Variants in FAM222B observed in about 807,000 individuals in gnomAD.
The protein encoded by FAM222B is protein FAM222B.
FAM222B carries 12 observed loss-of-function variants against 38.0 expected under a neutral mutation model. The observed-to-expected ratio is 0.32, with a 90% CI of 0.20 to 0.51. The LOEUF is 0.51. Ranked by LOEUF, FAM222B falls within the 20% of genes least tolerant of loss-of-function variation. The pLI, the probability that FAM222B is intolerant of heterozygous loss-of-function variation, is 0.97. For missense variants in FAM222B, 716 were observed against 754.2 expected, an observed-to-expected ratio of 0.95 and a Z score of 0.59; for synonymous variants, 329 against 317.2, an observed-to-expected ratio of 1.04 and a Z score of -0.40.
intron 1 of FAM222B, among the ~76,000 whole-genome samples, chr17:28,798,748 T>C (rs570658066): frequency 6.8e-6 from 1 of 146,318 alleles, no homozygotes; most frequent in East Asian, 2.1e-4. Flanking sequence ...TATTCTCCTG[T>C]CTCAGCCTCC....
At chr17:28,782,458 G>A (rs891742523) in intron 1 of FAM222B, among the ~76,000 whole-genome samples, 1 of 152,132 alleles carries the variant, frequency 6.6e-6, no homozygotes, top group East Asian at 1.9e-4. Context: ...ATGGATTATG[G>A]AATCTAAATA....
At chr17:28,842,227 C>CT (rs1567911090) in intron 1 of FAM222B, among the ~76,000 whole-genome samples, 3 of 152,098 alleles carry the variant, frequency 2.0e-5, no homozygotes, top group Non-Finnish European at 4.4e-5. Flanking sequence ...GCTCTTTTCC[C>CT]TAGACCCCTC....
intron 1 of FAM222B, among the ~76,000 whole-genome samples, chr17:28,809,376 G>A (rs2037638924): frequency 6.6e-6 from 1 of 151,176 alleles, no homozygotes; most frequent in Non-Finnish European, 1.5e-5. Context: ...AAAAGAGAGA[G>A]AGAGAGAAAT....
At position 28,833,009 on chromosome 17, in the gene FAM222B, TAAAAA is replaced by T. The variant is rs779596504; in HGVS notation, c.-41+9668_-41+9672del. On this transcript the variant is annotated intron_variant, in intron 1 of 2. Transcript: ENST00000581407. The stretch of plus-strand genomic sequence containing the variant: ...AACACAGTTAAGACTCTGTCTCTAT[TAAAAA>T]AAAAAAAAAAAAAAAAAAAGGAAAG... Among the ~76,000 whole-genome samples, 40 of 90,778 alleles carry T rather than the reference TAAAAA, an allele frequency of 4.4e-4. No homozygotes were observed. The South Asian group carries it at 4.9e-3, about 11-fold the overall frequency. 59.6% of individuals were successfully genotyped at this position (90,778 alleles called of 152,430 possible).
At chr17:28,793,579 T>C (rs2151879277) in intron 1 of FAM222B, among the ~76,000 whole-genome samples, 1 of 152,194 alleles carries the variant, frequency 6.6e-6, no homozygotes, top group South Asian at 2.1e-4. Flanking sequence ...TACTCCCCCT[T>C]TCCTCTTCTT....
intron 1 of FAM222B, among the ~76,000 whole-genome samples, chr17:28,771,220 C>T (rs572148979): frequency 1.6e-4 from 24 of 152,006 alleles, no homozygotes; most frequent in East Asian, 5.8e-4. Flanking sequence ...CCTCAATCAT[C>T]GGATCTGGAA....
At chr17:28,788,581 G>T (rs1256142786) in intron 1 of FAM222B, among the ~76,000 whole-genome samples, 1 of 151,936 alleles carries the variant, frequency 6.6e-6, no homozygotes, top group Non-Finnish European at 1.5e-5. Flanking sequence ...CTTCTAACCT[G>T]TCAAATATGC....
intron 1 of FAM222B, among the ~76,000 whole-genome samples, chr17:28,838,034 G>A (rs879490453): frequency 6.6e-6 from 1 of 152,110 alleles, no homozygotes; most frequent in Admixed American, 6.5e-5. Flanking sequence ...GGGAGGTAGA[G>A]GCGGGTGGAA....
intron 1 of FAM222B, among the ~76,000 whole-genome samples, chr17:28,829,047 A>G (rs1292394601): frequency 6.6e-6 from 1 of 151,734 alleles, no homozygotes; most frequent in Non-Finnish European, 1.5e-5. Flanking sequence ...CTGGGACTAC[A>G]GGTGCGCGCC....
chr17:28,768,682 C>A (rs2035457647), intron 1 of FAM222B, among the ~76,000 whole-genome samples: 1 of 151,640 alleles, frequency 6.6e-6, no homozygotes. Context: ...ACTAAAAATA[C>A]AAAATTAGCT....
intron 1 of FAM222B, among the ~76,000 whole-genome samples, chr17:28,786,939 C>G (rs927317457): frequency 2.5e-5 from 3 of 119,318 alleles, no homozygotes; most frequent in Non-Finnish European, 3.2e-5. Context: ...GAGTCTCGCT[C>G]TGTCGCCCAG....
intron 1 of FAM222B, among the ~76,000 whole-genome samples, chr17:28,823,200 A>AT (rs2038325186): frequency 6.6e-6 from 1 of 151,898 alleles, no homozygotes; most frequent in Non-Finnish European, 1.5e-5. Context: ...TCTTCATCTT[A>AT]TTTTTCCCCC....
Position 28,778,717 on chromosome 17 carries a change from A to T in FAM222B, c.-40-12010T>A, listed in dbSNP as rs558103095. Among the ~76,000 whole-genome samples the T allele has an allele frequency of 7.8e-3, 455 of 58,268 alleles. 6 individuals carry two copies. Among genetic ancestry groups the T allele is most frequent in the Middle Eastern group, 0.014 (1 of 72 alleles). The allele number at this position is 58,268 out of a possible 152,430, so 38.2% of individuals were successfully genotyped here. A position where few individuals can be genotyped will look rare whatever the true frequency, so the allele number is the denominator to read the frequency against. ...TGTGTGTATATATATATATATATAT[A>T]TATTTTTTTTTTTTTTTTTTTTTTT... On this transcript the variant is annotated intron_variant, in intron 1 of 2. Transcript: ENST00000581407.
rs538955304 is a variant in FAM222B, at chr17:28,816,768, TA to T, written c.-41+25913del. Among the ~76,000 whole-genome samples, 33 of 152,306 alleles carry T rather than the reference TA, an allele frequency of 2.2e-4. No individual in the cohort carries two copies. In the South Asian group the frequency reaches 6.4e-3, roughly 30 times the overall value. ...ATGACACAGAGCATAGAAACTTTGA[TA>T]AAACCTTTATTGTTCATTAGACTTC... is the stretch of plus-strand genomic sequence containing the variant. On this transcript the variant is annotated intron_variant, in intron 1 of 2. Transcript: ENST00000581407.
intron 1 of FAM222B, among the ~76,000 whole-genome samples, chr17:28,776,424 C>T (rs2035900896): frequency 1.3e-5 from 2 of 148,850 alleles, no homozygotes; most frequent in Admixed American, 6.7e-5. Context: ...TTCTTCTCAT[C>T]CATGAGCCAA....
At chr17:28,816,260 G>A (rs1053771206) in intron 1 of FAM222B, among the ~76,000 whole-genome samples, 1 of 152,070 alleles carries the variant, frequency 6.6e-6, no homozygotes, top group African/African-American at 2.4e-5. Context: ...CTGGGCGAGT[G>A]GGACTCCGTC....
chr17:28,849,407 C>G (rs947911850), intron 1 of FAM222B: 5 of 152,378 alleles, frequency 3.3e-5, no homozygotes, highest in African/African-American at 1.2e-4. Context: ...TCTTCTACCC[C>G]AATTCCTTCC....
intron 1 of FAM222B, among the ~76,000 whole-genome samples, chr17:28,804,520 G>A (rs1036682884): frequency 3.3e-5 from 5 of 152,024 alleles, no homozygotes; most frequent in African/African-American, 1.2e-4. Flanking sequence ...TTTTTTAGTA[G>A]AGAAGGGGTT....
intron 1 of FAM222B, among the ~76,000 whole-genome samples, chr17:28,818,304 G>A (rs1025686117): frequency 1.3e-5 from 2 of 152,030 alleles, no homozygotes; most frequent in African/African-American, 2.4e-5. Flanking sequence ...CGAGGTGGGC[G>A]GATCACGAGG....
Sources: allele counts gnomAD v4.1 joint callset (sites outside exome capture counted in the v4.1 genomes callset), GRCh38; gene constraint gnomAD v4.1.1; transcripts MANE v1.5; gene names NCBI Gene and HGNC (gene_info 2026-07-23, HGNC 2026-07-21).